CDK14: variants seen among roughly 807,000 people sequenced by gnomAD.
CDK14 encodes cyclin dependent kinase 14.
A neutral mutation model predicts 60.7 loss-of-function variants in CDK14; 34 were observed. The ratio of observed to expected loss-of-function variants is 0.56; its 90% CI spans 0.43 to 0.75. The LOEUF (loss-of-function observed/expected upper bound fraction) is 0.75. Among genes scored for constraint, CDK14 ranks in the 30% least tolerant of loss-of-function variants. CDK14 has a pLI of 0.00. For missense variants in CDK14, 482 were observed against 564.1 expected, an observed-to-expected ratio of 0.85 and a Z score of 1.47; for synonymous variants, 197 against 203.7, an observed-to-expected ratio of 0.97 and a Z score of 0.28.
intron 14 of CDK14, among the ~76,000 whole-genome samples, chr7:91,135,691 A>G (rs1273752831): frequency 1.3e-5 from 2 of 152,178 alleles, no homozygotes; most frequent in Admixed American, 6.6e-5. Context: ...TTGTCCTAGC[A>G]AAGTTACGTT....
intron 12 of CDK14, among the ~76,000 whole-genome samples, chr7:91,080,684 T>C (rs1161329829): frequency 1.3e-5 from 2 of 152,214 alleles, no homozygotes; most frequent in Non-Finnish European, 2.9e-5. Flanking sequence ...CTTAATTAAA[T>C]GATCAAACAC....
At chr7:91,026,758 T>C (rs1031530846) in intron 10 of CDK14, among the ~76,000 whole-genome samples, 1 of 152,208 alleles carries the variant, frequency 6.6e-6, no homozygotes, top group Non-Finnish European at 1.5e-5. Flanking sequence ...ACTTAGGGTT[T>C]ATTGTTCATT....
At chr7:91,151,871 A>C (rs1461780386) in intron 14 of CDK14, among the ~76,000 whole-genome samples, 1 of 152,194 alleles carries the variant, frequency 6.6e-6, no homozygotes, top group East Asian at 1.9e-4. Context: ...TAGCCCATCA[A>C]GCCCAAAACA....
intron 2 of CDK14, among the ~76,000 whole-genome samples, chr7:90,707,263 C>G (rs1288846939): frequency 6.6e-6 from 1 of 152,128 alleles, no homozygotes; most frequent in African/African-American, 2.4e-5. Flanking sequence ...CAGCCTTTTA[C>G]CTAGTTATAC....
intron 3 of CDK14, among the ~76,000 whole-genome samples, chr7:90,729,487 T>C (rs1802777768): frequency 6.6e-6 from 1 of 151,372 alleles, no homozygotes; most frequent in Non-Finnish European, 1.5e-5. Context: ...TTATGGGTTT[T>C]AATTTTAGTA....
At chr7:91,024,053 A>G (rs1009730268) in intron 10 of CDK14, among the ~76,000 whole-genome samples, 16 of 151,938 alleles carry the variant, frequency 1.1e-4, no homozygotes, top group Admixed American at 8.5e-4. Flanking sequence ...GATTACAGGC[A>G]TGAGCCATCA....
At chr7:90,626,209 T>C (rs1799873025) in intron 2 of CDK14, among the ~76,000 whole-genome samples, 1 of 152,204 alleles carries the variant, frequency 6.6e-6, no homozygotes, top group Non-Finnish European at 1.5e-5. Context: ...GTGGAATTTG[T>C]TTATCTTTTC....
chr7:90,956,350 A>G (rs1794409886), intron 9 of CDK14, among the ~76,000 whole-genome samples: 1 of 152,218 alleles, frequency 6.6e-6, no homozygotes, highest in South Asian at 2.1e-4. Context: ...CAAATGCTTT[A>G]GCAAAGCTTA....
At chr7:90,606,268 G>A (rs6978635) in intron 2 of CDK14, among the ~76,000 whole-genome samples, 1,526 of 152,276 alleles carry the variant, frequency 0.01, 27 homozygotes, top group African/African-American at 0.034. Context: ...GCATGCCGGG[G>A]TATAATCCCC....
chr7:90,698,085 A>G (rs1475368849), intron 2 of CDK14, among the ~76,000 whole-genome samples: 2 of 138,888 alleles, frequency 1.4e-5, no homozygotes, highest in Middle Eastern at 3.3e-3. Flanking sequence ...AAAAAAAAAA[A>G]AAAAGAAAAA....
At chr7:90,691,133 A>T (rs1241649513) in intron 2 of CDK14, among the ~76,000 whole-genome samples, 1 of 152,104 alleles carries the variant, frequency 6.6e-6, no homozygotes, top group African/African-American at 2.4e-5. Flanking sequence ...GGAGAGAAAT[A>T]ATTTTATTCA....
chr7:90,828,638 T>TG (rs1268229075), intron 5 of CDK14, among the ~76,000 whole-genome samples: 2 of 152,208 alleles, frequency 1.3e-5, no homozygotes, highest in African/African-American at 2.4e-5. Flanking sequence ...ATCTTGCTAA[T>TG]GACAGCTATG....
At chr7:91,172,996 G>A (rs1217765591) in intron 14 of CDK14, among the ~76,000 whole-genome samples, 1 of 152,064 alleles carries the variant, frequency 6.6e-6, no homozygotes, top group Non-Finnish European at 1.5e-5. Flanking sequence ...TTCCCATGTT[G>A]TTCTAAAATT....
In CDK14 at chr7:90,707,297, C is replaced by A. The variant is rs962689090; in HGVS notation, c.124-19270C>A. Among the ~76,000 whole-genome samples the A allele has an allele frequency of 5.3e-5, 8 of 152,196 alleles. No individual in the cohort carries two copies. In the South Asian group the frequency reaches 1.7e-3, roughly 32 times the overall value. On this transcript the variant is annotated intron_variant, in intron 2 of 14. Transcript: ENST00000380050. Reference sequence around the variant, plus strand: ...ACTAGAGAATTCAGTATAGATTTTCCCTTTCCATAGACTTCATGTCCAGTC... The same window carrying A: ...ACTAGAGAATTCAGTATAGATTTTCACTTTCCATAGACTTCATGTCCAGTC...
chr7:90,987,628 T>C (rs577467541), intron 10 of CDK14, among the ~76,000 whole-genome samples: 1 of 152,124 alleles, frequency 6.6e-6, no homozygotes, highest in African/African-American at 2.4e-5. Context: ...TTTGCAAATA[T>C]TAGCTATATT....
chr7:90,877,161 A>G (rs937472439), intron 6 of CDK14, among the ~76,000 whole-genome samples: 3 of 152,230 alleles, frequency 2.0e-5, no homozygotes, highest in South Asian at 2.1e-4. Flanking sequence ...CAGTCTGTGT[A>G]TAAAGGAATA....
chr7:90,726,589 C>T lies in CDK14; in HGVS notation c.146C>T (p.Thr49Ile). The change falls in exon 3 of 15, where the codon ACA becomes ATA. Residue 49 changes from threonine (T) to isoleucine (I), a missense_variant. Transcript: ENST00000380050. Reference protein sequence around the residue: ...FDEICVTKMSTRNCQGMDSVI... With the variant: ...FDEICVTKMSIRNCQGMDSVI... ...CAGATATGTGTCACAAAGATGTCTA[C>T]ACGGAACTGCCAGGGAATGGACTCA... 1.2e-6 allele frequency: 2 copies of T among 1,613,518 alleles called. No homozygotes were observed. Among genetic ancestry groups the T allele is most frequent in the Non-Finnish European group, 1.7e-6 (2 of 1,179,608 alleles).
At chr7:90,993,976 A>G (rs1795609282) in intron 10 of CDK14, among the ~76,000 whole-genome samples, 1 of 152,150 alleles carries the variant, frequency 6.6e-6, no homozygotes, top group African/African-American at 2.4e-5. Flanking sequence ...AACCTAATGT[A>G]TTGCTGTTTA....
At chr7:91,069,872 G>A (rs1798086467) in intron 11 of CDK14, among the ~76,000 whole-genome samples, 1 of 152,114 alleles carries the variant, frequency 6.6e-6, no homozygotes, top group Non-Finnish European at 1.5e-5. Flanking sequence ...TCATGGCTTA[G>A]TGCAGCCTCT....
Sources: gnomAD v4.1 joint callset for allele counts (sites outside exome capture counted in the v4.1 genomes callset) on GRCh38, gnomAD v4.1.1 for gene constraint, MANE v1.5 for transcripts, NCBI Gene and HGNC (gene_info 2026-07-23, HGNC 2026-07-21) for gene names.